The following PAK5 variants were observed in gnomAD, a reference collection of about 807,000 sequenced individuals.
PAK5 encodes the protein serine/threonine-protein kinase PAK 5.
In PAK5, 16 loss-of-function variants were observed where a neutral mutation model predicts 65.9. That is an observed-to-expected ratio of 0.24 (90% confidence interval 0.16 to 0.37). The LOEUF (loss-of-function observed/expected upper bound fraction) is 0.37. Among genes scored for constraint, PAK5 ranks in the 10% least tolerant of loss-of-function variants. The pLI is 1.00. For synonymous variants in PAK5, 371 were observed against 354.9 expected (o/e 1.05, Z -0.51); for missense variants, 785 against 903.9 (o/e 0.87, Z 1.69).
At chr20:9,586,785 T>G (rs2046077433) in intron 3 of PAK5, among the ~76,000 whole-genome samples, 1 of 152,180 alleles carries the variant, frequency 6.6e-6, no homozygotes, top group African/African-American at 2.4e-5. Context: ...GCTCTTTCTG[T>G]GCACTTGTCA....
At chr20:9,576,445 C>T (rs754023402) in intron 4 of PAK5, among the ~76,000 whole-genome samples, 3 of 152,054 alleles carry the variant, frequency 2.0e-5, no homozygotes, top group Non-Finnish European at 4.4e-5. Flanking sequence ...CTATGGACGT[C>T]TAGAGGGGAA....
intron 3 of PAK5, among the ~76,000 whole-genome samples, chr20:9,589,703 C>T (rs532328035): frequency 2.9e-4 from 44 of 152,188 alleles, no homozygotes; most frequent in Non-Finnish European, 5.1e-4. Context: ...GGAGTTTCAC[C>T]TTTGTTGCCC....
chr20:9,812,723 G>A (rs2049312165), intron 1 of PAK5, among the ~76,000 whole-genome samples: 2 of 152,146 alleles, frequency 1.3e-5, no homozygotes, highest in South Asian at 4.1e-4. Flanking sequence ...TAGATAGTTA[G>A]AAGGAATAAG....
At chr20:9,660,141 C>T (rs1159974775) in intron 2 of PAK5, among the ~76,000 whole-genome samples, 1 of 152,034 alleles carries the variant, frequency 6.6e-6, no homozygotes, top group Non-Finnish European at 1.5e-5. Flanking sequence ...ACCTGAGGCT[C>T]TCAAACCCCA....
At chr20:9,717,727 C>T (rs1173411434) in intron 1 of PAK5, among the ~76,000 whole-genome samples, 7 of 152,224 alleles carry the variant, frequency 4.6e-5, no homozygotes, top group Non-Finnish European at 8.8e-5. Context: ...TCAAGTGATT[C>T]TCCTACCTCA....
At chr20:9,706,259 A>G (rs1346763437) in intron 2 of PAK5, among the ~76,000 whole-genome samples, 1 of 152,130 alleles carries the variant, frequency 6.6e-6, no homozygotes, top group African/African-American at 2.4e-5. Context: ...CCTACTCACT[A>G]TGCTTAGCAC....
At chr20:9,592,533 T>C (rs1399134421) in intron 3 of PAK5, among the ~76,000 whole-genome samples, 6 of 152,210 alleles carry the variant, frequency 3.9e-5, no homozygotes, top group Admixed American at 3.9e-4. Flanking sequence ...TTGGCATACT[T>C]TACGTTTATG....
At chr20:9,684,716 A>G (rs1456544645) in intron 2 of PAK5, among the ~76,000 whole-genome samples, 1 of 152,198 alleles carries the variant, frequency 6.6e-6, no homozygotes, top group Non-Finnish European at 1.5e-5. Context: ...TTCCTGCTGA[A>G]TGTTTCTTCA....
At chr20:9,604,205 T>C (rs2046410537) in intron 3 of PAK5, among the ~76,000 whole-genome samples, 1 of 152,342 alleles carries the variant, frequency 6.6e-6, no homozygotes, top group Non-Finnish European at 1.5e-5. Flanking sequence ...GGCTCTTCTG[T>C]GGAACACAAG....
chr20:9,622,512 C>T (rs2046784108), intron 3 of PAK5, among the ~76,000 whole-genome samples: 1 of 152,142 alleles, frequency 6.6e-6, no homozygotes, highest in African/African-American at 2.4e-5. Flanking sequence ...CTTGTTAATT[C>T]AGTTAATTCA....
intron 3 of PAK5, among the ~76,000 whole-genome samples, chr20:9,641,878 T>G (rs950064257): frequency 2.6e-5 from 4 of 152,110 alleles, no homozygotes; most frequent in Non-Finnish European, 5.9e-5. Flanking sequence ...GGCTGGGTGC[T>G]CCGAGTGCGG....
At chr20:9,800,549 C>T (rs1231029041) in intron 1 of PAK5, among the ~76,000 whole-genome samples, 4 of 151,932 alleles carry the variant, frequency 2.6e-5, no homozygotes. Flanking sequence ...ATAAATATTA[C>T]CAGTAAGTAG....
intron 7 of PAK5, among the ~76,000 whole-genome samples, chr20:9,545,578 T>C (rs1320136325): frequency 6.6e-6 from 1 of 152,168 alleles, no homozygotes. Context: ...CTTCCAACCT[T>C]TTTTTTCTGG....
At chr20:9,637,756 CG>C (rs2123248854) in intron 3 of PAK5, among the ~76,000 whole-genome samples, 1 of 151,662 alleles carries the variant, frequency 6.6e-6, no homozygotes, top group Admixed American at 6.6e-5. Flanking sequence ...TCACATATGC[CG>C]AATAAAACTA....
rs1555928774 is a variant in PAK5 at position 9,801,473 on chromosome 20, G to GAA, written c.-162+37288_-162+37289insTT. ...CTGTTCTTATGGAACTGTGAGACTTGTATATATATATAAACATATATATAC... is the reference window on the plus strand; with the variant it reads ...CTGTTCTTATGGAACTGTGAGACTTGAATATATATATATAAACATATATATAC... On this transcript the variant is annotated intron_variant, in intron 1 of 9. Transcript: ENST00000353224. Among the ~76,000 whole-genome samples, 214 of 149,908 alleles carry GAA rather than the reference G, an allele frequency of 1.4e-3. 1 individual carries two copies. Among genetic ancestry groups the GAA allele is most frequent in the Admixed American group, 3.4e-3 (51 of 14,986 alleles).
intron 1 of PAK5, among the ~76,000 whole-genome samples, chr20:9,828,114 C>A (rs1265737858): frequency 6.6e-6 from 1 of 152,108 alleles, no homozygotes; most frequent in Non-Finnish European, 1.5e-5. Flanking sequence ...GGATTACAGG[C>A]GTGAGCCACC....
At chr20:9,598,229 G>T (rs2046304826) in intron 3 of PAK5, among the ~76,000 whole-genome samples, 1 of 152,172 alleles carries the variant, frequency 6.6e-6, no homozygotes, top group Non-Finnish European at 1.5e-5. Context: ...GTGTTCCTGT[G>T]TTAGTTTGCT....
In PAK5 at chr20:9,539,088, CTTTTTTT is replaced by C. The variant is rs556134977; in HGVS notation, c.*367_*373del. On this transcript the variant is annotated 3_prime_UTR_variant, in exon 10 of 10. Transcript: ENST00000353224. ...AAGTGCTTTTTGTTTTCCTTTCTTT[CTTTTTTT>C]TTTTTTTTTGCCAGAAAAGTATTCT... is the stretch of plus-strand genomic sequence containing the variant. 3.8e-5 allele frequency: 8 copies of C among 211,740 alleles called. No homozygotes were observed. Among genetic ancestry groups the C allele is most frequent in the Non-Finnish European group, 5.4e-5 (6 of 110,118 alleles). The allele number at this position is 211,740 out of a possible 1,614,324, so 13.1% of individuals were successfully genotyped here. A position where few individuals can be genotyped will look rare whatever the true frequency, so the allele number is the denominator to read the frequency against.
At chr20:9,744,987 T>A (rs2048490027) in intron 1 of PAK5, among the ~76,000 whole-genome samples, 1 of 152,080 alleles carries the variant, frequency 6.6e-6, no homozygotes, top group Non-Finnish European at 1.5e-5. Context: ...AACAGGAGAA[T>A]GGGGATAGAG....
Sources: gnomAD v4.1 joint callset for allele counts (sites outside exome capture counted in the v4.1 genomes callset) on GRCh38, gnomAD v4.1.1 for gene constraint, MANE v1.5 for transcripts, NCBI Gene and HGNC (gene_info 2026-07-23, HGNC 2026-07-21) for gene names.